BLTP3A: variants seen among roughly 807,000 people sequenced by gnomAD.
BLTP3A encodes ICBP90 binding protein 1.
chr6:34,792,128 G>GCGGCGGCGGCGGCGGCGA, the BLTP3A span: 1 of 791,636 alleles, frequency 1.3e-6, no homozygotes, highest in Non-Finnish European at 1.8e-6. Context: ...AAGCGCCATG[G>GCGGCGGCGGCGGCGGCGA]CGGCGGCGGC....
At chr6:34,857,610 C>T in the BLTP3A span, 1 of 1,447,262 alleles carries the variant, frequency 6.9e-7, no homozygotes, top group Admixed American at 2.1e-5. Flanking sequence ...GTTAAACACT[C>T]TGCCCTGTAT....
the BLTP3A span, chr6:34,873,101 T>G: frequency 6.6e-6 from 1 of 152,236 alleles, no homozygotes; most frequent in African/African-American, 2.4e-5. Flanking sequence ...CTTTCATCAT[T>G]GTGATGCTGT....
chr6:34,793,100 C>G, the BLTP3A span, among the ~76,000 whole-genome samples: 1 of 152,186 alleles, frequency 6.6e-6, no homozygotes. Context: ...ACGTCCGCTT[C>G]TGCTTTGCAG....
At chr6:34,871,128 C>T in the BLTP3A span, 7 of 1,603,600 alleles carry the variant, frequency 4.4e-6, no homozygotes, top group Admixed American at 1.2e-4. Flanking sequence ...TGTGAGGAAC[C>T]TTTGGTTTTT....
At chr6:34,861,733 A>T in the BLTP3A span, among the ~76,000 whole-genome samples, 5 of 152,340 alleles carry the variant, frequency 3.3e-5, no homozygotes, top group South Asian at 8.3e-4. Context: ...TTCATTAGGC[A>T]TATGAATATA....
the BLTP3A span, chr6:34,870,727 C>A: frequency 7.8e-7 from 1 of 1,287,790 alleles, no homozygotes; most frequent in Non-Finnish European, 1.0e-6. Flanking sequence ...TTCTCTGTGA[C>A]TTCGTTCAGT....
chr6:34,826,863 C>T, the BLTP3A span, among the ~76,000 whole-genome samples: 6 of 152,038 alleles, frequency 3.9e-5, no homozygotes, highest in Non-Finnish European at 8.8e-5. Flanking sequence ...ACAACTTTAC[C>T]CTAGACCTGA....
chr6:34,862,964 A>C, the BLTP3A span, among the ~76,000 whole-genome samples: 1 of 146,958 alleles, frequency 6.8e-6, no homozygotes, highest in East Asian at 2.3e-4. Context: ...GCTGGAGTGC[A>C]GTGGTGTGAT....
At chr6:34,818,888 C>T in the BLTP3A span, among the ~76,000 whole-genome samples, 145 of 152,074 alleles carry the variant, frequency 9.5e-4, no homozygotes, top group African/African-American at 6.8e-4. Flanking sequence ...AACTTTTGCA[C>T]GTCATGATTT....
the BLTP3A span, among the ~76,000 whole-genome samples, chr6:34,844,298 C>T: frequency 6.7e-6 from 1 of 149,866 alleles, no homozygotes; most frequent in Non-Finnish European, 1.5e-5. Context: ...GTTTTTGAGA[C>T]AGAGTCTTGC....
At chr6:34,842,181 C>G in the BLTP3A span, among the ~76,000 whole-genome samples, 1 of 152,210 alleles carries the variant, frequency 6.6e-6, no homozygotes, top group Non-Finnish European at 1.5e-5. Context: ...GTTGTGGAAC[C>G]TTCTTCCTCC....
the BLTP3A span, chr6:34,856,187 G>A: frequency 6.3e-7 from 1 of 1,577,098 alleles, no homozygotes; most frequent in Non-Finnish European, 8.6e-7. Flanking sequence ...GGAAAAATTG[G>A]AACATTCATC....
At chr6:34,842,977 T>A in the BLTP3A span, among the ~76,000 whole-genome samples, 1 of 152,184 alleles carries the variant, frequency 6.6e-6, no homozygotes, top group Admixed American at 6.5e-5. Context: ...TAGTTTATTT[T>A]AAAATTTTAT....
the BLTP3A span, among the ~76,000 whole-genome samples, chr6:34,859,997 T>G: frequency 6.6e-6 from 1 of 152,182 alleles, no homozygotes; most frequent in Non-Finnish European, 1.5e-5. Context: ...TTCATCTAAT[T>G]TTTTTGTTTG....
the BLTP3A span, chr6:34,872,187 T>A: frequency 2.6e-6 from 3 of 1,175,938 alleles, no homozygotes; most frequent in Non-Finnish European, 3.5e-6. Context: ...AAAGATATGG[T>A]TATCTTAATC....
chr6:34,821,875 G>A, the BLTP3A span: 1 of 1,614,098 alleles, frequency 6.2e-7, no homozygotes, highest in Non-Finnish European at 8.5e-7. Flanking sequence ...CTTTCTGGAG[G>A]GTCAGCTACC....
At chr6:34,867,308 A>T in the BLTP3A span, 1 of 1,614,144 alleles carries the variant, frequency 6.2e-7, no homozygotes, top group Non-Finnish European at 8.5e-7. Flanking sequence ...TCTTGTGAAT[A>T]ATTATGGCCA....
the BLTP3A span, among the ~76,000 whole-genome samples, chr6:34,849,474 T>G: frequency 6.6e-6 from 1 of 152,166 alleles, no homozygotes; most frequent in African/African-American, 2.4e-5. Flanking sequence ...TAATTTCATC[T>G]CCCTGGTTTT....
chr6:34,824,819 C>G, the BLTP3A span, among the ~76,000 whole-genome samples: 3 of 151,560 alleles, frequency 2.0e-5, no homozygotes. Flanking sequence ...TACAGGTGCC[C>G]CACACCACAC....
Sources: allele counts gnomAD v4.1 joint callset (sites outside exome capture counted in the v4.1 genomes callset), GRCh38; gene constraint gnomAD v4.1.1; transcripts MANE v1.5; gene names NCBI Gene and HGNC (gene_info 2026-07-23, HGNC 2026-07-21).